Variants in FIGN observed in about 807,000 individuals in gnomAD.
FIGN encodes the protein fidgetin, microtubule severing factor, also known as fidgetin.
Under a neutral mutation model 51.3 loss-of-function variants are expected in FIGN, and 11 were observed. The observed-to-expected ratio is 0.21, with a 90% CI of 0.13 to 0.35. The LOEUF (loss-of-function observed/expected upper bound fraction) is 0.35. Ranked by LOEUF, FIGN falls within the 10% of genes least tolerant of loss-of-function variation. The pLI is 1.00. For synonymous variants in FIGN, 407 were observed against 363.2 expected (o/e 1.12, Z -1.37); for missense variants, 857 against 943.6 (o/e 0.91, Z 1.20).
intron 2 of FIGN, among the ~76,000 whole-genome samples, chr2:163,668,976 T>C (rs965757966): frequency 6.7e-6 from 1 of 148,934 alleles, no homozygotes; most frequent in Non-Finnish European, 1.5e-5. Flanking sequence ...TTAGTATAGA[T>C]TTCAGGAAGA....
chr2:163,686,799 T>C (rs62169901), intron 2 of FIGN, among the ~76,000 whole-genome samples: 40,556 of 143,404 alleles, frequency 0.28, 5,639 homozygotes, highest in East Asian at 0.45. Flanking sequence ...CACACACATA[T>C]ATATATATTC....
Position 163,609,886 on chromosome 2 carries a change from A to G in FIGN, c.1946T>C (p.Leu649Ser). 1 of 1,614,162 alleles carries G rather than the reference A, an allele frequency of 6.2e-7. No individual in the cohort carries two copies. Among genetic ancestry groups the G allele is most frequent in the Non-Finnish European group, 8.5e-7 (1 of 1,180,036 alleles). ...SLRRYFMKRL[L>S]IPLPDSTARH... ...CGCTGTGCTGTCAGGAAGTGGGATT[A>G]AAAGTCGTTTCATGAAGTACCTCCG... Residue 649 changes from leucine (L) to serine (S), a missense_variant, in exon 3 of 3, where the codon TTA (leucine) becomes TCA (serine). This residue lies in a region of FIGN where 799 missense variants were observed against 849.5 expected (regional missense o/e 0.94). Coordinates refer to ENST00000333129, the MANE Select transcript of FIGN (RefSeq NM_018086.4).
Position 163,610,682 on chromosome 2 carries a change from A to G in FIGN, c.1150T>C (p.Ser384Pro). ...LAFKPTKQLM[S>P]SEQQRKFSSQ... ...CTGAATTTCCTTTGCTGTTCAGAGG[A>G]CATTAGCTGCTTCGTTGGCTTAAAT... is the stretch of plus-strand genomic sequence containing the variant. The change falls in exon 3 of 3, where the codon TCC becomes CCC. Residue 384 changes from serine (S) to proline (P), a missense_variant. Around this residue, in one of 3 missense-constraint regions of FIGN, gnomAD observed 799 missense variants for 849.5 expected, o/e 0.94. Transcript: ENST00000333129. 3.7e-6 allele frequency: 6 copies of G among 1,614,212 alleles called. No individual in the cohort carries two copies. The highest frequency in any genetic ancestry group is 1.7e-5 in the Admixed American group (1 of 60,032).
chr2:163,615,649 G>A (rs897944283), intron 2 of FIGN, among the ~76,000 whole-genome samples: 1 of 152,094 alleles, frequency 6.6e-6, no homozygotes, highest in African/African-American at 2.4e-5. Context: ...ATAATGGGTT[G>A]AGTTTTAAAA....
chr2:163,683,766 T>G (rs1452957092), intron 2 of FIGN, among the ~76,000 whole-genome samples: 1 of 152,200 alleles, frequency 6.6e-6, no homozygotes, highest in Non-Finnish European at 1.5e-5. Context: ...AATTCTAATG[T>G]GCGGCCAAGG....
chr2:163,734,810 T>G, intron 2 of FIGN, 93 bp downstream of exon 2: 1 of 1,186,662 alleles, frequency 8.4e-7, no homozygotes, highest in Non-Finnish European at 1.2e-6. Context: ...CATGAGCAAC[T>G]GCTTGCCAGG....
intron 2 of FIGN, among the ~76,000 whole-genome samples, chr2:163,705,696 C>T (rs2105353541): frequency 6.6e-6 from 1 of 151,814 alleles, no homozygotes; most frequent in South Asian, 2.1e-4. Flanking sequence ...CCACAACTCT[C>T]AAGCAGCTCT....
chr2:163,730,616 A>G (rs1301871767), intron 2 of FIGN, among the ~76,000 whole-genome samples: 5 of 152,120 alleles, frequency 3.3e-5, no homozygotes, highest in Non-Finnish European at 5.9e-5. Flanking sequence ...GTTGATTTCA[A>G]TAAAACACTA....
At chr2:163,659,399 T>C (rs1277925697) in intron 2 of FIGN, among the ~76,000 whole-genome samples, 1 of 152,166 alleles carries the variant, frequency 6.6e-6, no homozygotes, top group African/African-American at 2.4e-5. Flanking sequence ...GAATACCAAA[T>C]GCATTCTTTA....
chr2:163,636,108 T>C (rs1683221020), intron 2 of FIGN, among the ~76,000 whole-genome samples: 1 of 152,166 alleles, frequency 6.6e-6, no homozygotes, highest in Non-Finnish European at 1.5e-5. Context: ...TTATTCATTG[T>C]GGTTGATATG....
At chr2:163,689,456 C>T (rs576856245) in intron 2 of FIGN, among the ~76,000 whole-genome samples, 7 of 152,200 alleles carry the variant, frequency 4.6e-5, no homozygotes, top group Non-Finnish European at 1.0e-4. Context: ...GACTATCAGG[C>T]ATGCCTTAGA....
intron 2 of FIGN, among the ~76,000 whole-genome samples, chr2:163,721,120 G>A (rs1684750360): frequency 6.6e-6 from 1 of 152,076 alleles, no homozygotes; most frequent in South Asian, 2.1e-4. Flanking sequence ...TTTTGAGAAG[G>A]ATCACCCAAT....
intron 2 of FIGN, among the ~76,000 whole-genome samples, chr2:163,704,648 TCTCTCTCTCA>T (rs1440050065): frequency 1.5e-5 from 2 of 132,872 alleles, no homozygotes; most frequent in African/African-American, 6.0e-5. Context: ...TCTCTCTCTC[TCTCTCTCTCA>T]CACACACACA....
intron 2 of FIGN, among the ~76,000 whole-genome samples, chr2:163,624,554 T>C (rs997217357): frequency 4.6e-5 from 7 of 151,790 alleles, no homozygotes; most frequent in Non-Finnish European, 8.8e-5. Flanking sequence ...AGTGTGTAAA[T>C]TGGATGATGA....
At chr2:163,682,461 G>A (rs186669175) in intron 2 of FIGN, among the ~76,000 whole-genome samples, 2 of 152,326 alleles carry the variant, frequency 1.3e-5, no homozygotes, top group Non-Finnish European at 2.9e-5. Context: ...CGTGGCAAAA[G>A]TCATGCACTT....
At chr2:163,615,601 A>G (rs1277063433) in intron 2 of FIGN, among the ~76,000 whole-genome samples, 1 of 152,216 alleles carries the variant, frequency 6.6e-6, no homozygotes, top group Non-Finnish European at 1.5e-5. Flanking sequence ...TGTGTGAGTC[A>G]GAAGCAATAC....
At chr2:163,721,441 A>T (rs1684755210) in intron 2 of FIGN, among the ~76,000 whole-genome samples, 1 of 152,308 alleles carries the variant, frequency 6.6e-6, no homozygotes, top group African/African-American at 2.4e-5. Context: ...AACTAAACAC[A>T]CGGGTCTTCA....
At position 163,610,054 on chromosome 2, in the gene FIGN, G is replaced by A; in HGVS notation, c.1778C>T (p.Ser593Phe). Residue 593 changes from serine (S) to phenylalanine (F), a missense_variant, in exon 3 of 3, where the codon TCT (serine) becomes TTT (phenylalanine). Coordinates refer to ENST00000333129, the MANE Select transcript of FIGN (RefSeq NM_018086.4). ...FVSDIDMLLSSQVNEEHSPVS... is the reference protein window; with the variant it reads ...FVSDIDMLLSFQVNEEHSPVS... ...TGGACTATGTTCCTCATTCACTTGA[G>A]AGGAGAGAAGCATGTCAATGTCACT... The A allele has an allele frequency of 6.2e-7, 1 of 1,614,066 alleles. No homozygotes were observed. The highest frequency in any genetic ancestry group is 8.5e-7 in the Non-Finnish European group (1 of 1,179,962).
At chr2:163,721,992 A>C (rs1306490022) in intron 2 of FIGN, among the ~76,000 whole-genome samples, 1 of 152,208 alleles carries the variant, frequency 6.6e-6, no homozygotes, top group Admixed American at 6.5e-5. Context: ...GATCAAATTG[A>C]ATTTGCCTTA....
Sources: allele counts gnomAD v4.1 joint callset (sites outside exome capture counted in the v4.1 genomes callset), GRCh38; gene constraint gnomAD v4.1.1; regional missense constraint gnomAD v4.1.1; transcripts MANE v1.5; gene names NCBI Gene and HGNC (gene_info 2026-07-23, HGNC 2026-07-21).